The following NCR2 variants were observed in gnomAD, a reference collection of about 807,000 sequenced individuals.
NCR2 encodes the protein NK cell activating receptor (NKp44).
NCR2 carries 35 observed loss-of-function variants against 30.7 expected under a neutral mutation model. That is an observed-to-expected ratio of 1.14 (90% CI 0.87 to 1.51). The LOEUF is 1.51. Among genes scored for constraint, NCR2 ranks in the 40% most tolerant of loss-of-function variants. The pLI, the probability that NCR2 is intolerant of heterozygous loss-of-function variation, is 0.00. For missense variants in NCR2, 316 were observed against 328.9 expected, an observed-to-expected ratio of 0.96 and a Z score of 0.30; for synonymous variants, 146 against 134.8, an observed-to-expected ratio of 1.08 and a Z score of -0.58.
At chr6:41,347,076 A>T (rs1013712635) in intron 4 of NCR2, among the ~76,000 whole-genome samples, 2 of 152,160 alleles carry the variant, frequency 1.3e-5, no homozygotes, top group Non-Finnish European at 2.9e-5. Context: ...CCAGCCGAGC[A>T]TGGAGGTGCG....
rs189532679 is a variant in NCR2, at chr6:41,345,627, G to A, written c.644+3478G>A. ...CCCCAAGGTCAGCACTCAGACTCCAGTACAGCCTCTTGGTGCCTTATTATA... is the reference window on the plus strand; with the variant it reads ...CCCCAAGGTCAGCACTCAGACTCCAATACAGCCTCTTGGTGCCTTATTATA... On this transcript the variant is annotated intron_variant, in intron 4 of 4. Coordinates refer to ENST00000373089, the MANE Select transcript of NCR2 (RefSeq NM_004828.4). 4.8e-3 allele frequency among the ~76,000 whole-genome samples: 729 copies of A among 152,052 alleles called. 8 individuals are homozygous for A. Among genetic ancestry groups the A allele is most frequent in the African/African-American group, 0.016 (670 of 41,448 alleles).
At chr6:41,342,813 G>C in intron 4 of NCR2, 1 of 947,352 alleles carries the variant, frequency 1.1e-6, no homozygotes, top group Admixed American at 2.1e-5. Flanking sequence ...GGACAACTCA[G>C]TCAGGCCAGG....
chr6:41,342,827 C>T lies in NCR2; in HGVS notation c.644+678C>T, dbSNP rs116216447. On this transcript the variant is annotated intron_variant, in intron 4 of 4. Coordinates refer to ENST00000373089, the MANE Select transcript of NCR2 (RefSeq NM_004828.4). The stretch of plus-strand genomic sequence containing the variant: ...GGGACAACTCAGTCAGGCCAGGAGC[C>T]GGCTTGCTGGAGGAGGGGCAGGCTT... 7.1e-4 allele frequency: 815 copies of T among 1,143,400 alleles called. 7 individuals are homozygous for T. In the African/African-American group the frequency reaches 0.012, roughly 16 times the overall value. The allele number at this position is 1,143,400 out of a possible 1,614,324, so 70.8% of individuals were successfully genotyped here.
chr6:41,345,520 A>G (rs1769279588), intron 4 of NCR2, among the ~76,000 whole-genome samples: 1 of 151,880 alleles, frequency 6.6e-6, no homozygotes, highest in Non-Finnish European at 1.5e-5. Context: ...ACCCCTCCCC[A>G]GCACCCGCCA....
Position 41,336,315 on chromosome 6 carries a change from T to TCTTTTC in NCR2, c.282_283insTTTTCC (p.Val94_Thr95insPheSer), listed in dbSNP as rs760097452. The TCTTTTC allele has an allele frequency of 4.3e-6, 7 of 1,613,988 alleles. No homozygotes were observed. In the African/African-American group the frequency reaches 9.3e-5, roughly 22 times the overall value. ...GACCCTGATGCTGGCTTCTTCACTG[T>TCTTTTC]CACCATGACTGATCTGAGAGAGGAA... On this transcript the variant is annotated inframe_insertion, in exon 2 of 5. Coordinates refer to ENST00000373089, the MANE Select transcript of NCR2 (RefSeq NM_004828.4).
chr6:41,341,769 C>A (rs1440736228), intron 2 of NCR2, 25 bp from the exon 3 acceptor site: 1 of 1,598,122 alleles, frequency 6.3e-7, no homozygotes. Flanking sequence ...CACTCACTAA[C>A]CACGCTCTTT....
intron 4 of NCR2, among the ~76,000 whole-genome samples, chr6:41,348,913 T>G (rs1262436266): frequency 1.3e-5 from 2 of 152,234 alleles, no homozygotes; most frequent in East Asian, 3.9e-4. Context: ...GGATAATGTC[T>G]TTATACTTCT....
chr6:41,345,801 C>T (rs1223909591), intron 4 of NCR2, among the ~76,000 whole-genome samples: 2 of 152,190 alleles, frequency 1.3e-5, no homozygotes, highest in Non-Finnish European at 2.9e-5. Flanking sequence ...CCACCCTGCA[C>T]CTGAAGTGCG....
At chr6:41,349,612 C>G (rs1015825179) in intron 4 of NCR2, among the ~76,000 whole-genome samples, 4 of 152,172 alleles carry the variant, frequency 2.6e-5, no homozygotes, top group Non-Finnish European at 4.4e-5. Context: ...AAGTAAGGTT[C>G]AGGAGCTTCT....
rs1769414706 is a variant in NCR2, at chr6:41,350,880, G to A, written c.*16G>A. 2 of 808,342 alleles carry A rather than the reference G, an allele frequency of 2.5e-6. No individual in the cohort carries two copies. The highest frequency in any genetic ancestry group is 1.7e-5 in the African/African-American group (1 of 58,740). The allele number at this position is 808,342 out of a possible 1,614,324, so 50.1% of individuals were successfully genotyped here. On this transcript the variant is annotated 3_prime_UTR_variant, in exon 5 of 5. Transcript: ENST00000373089. Reference sequence around the variant, plus strand: ...CACTTTGTGAATAATAAAATTATCTGAATGTTTTATTCCTGTTGTTTCCTA... The same window carrying A: ...CACTTTGTGAATAATAAAATTATCTAAATGTTTTATTCCTGTTGTTTCCTA...
intron 4 of NCR2, among the ~76,000 whole-genome samples, chr6:41,349,641 A>T (rs1170645901): frequency 1.3e-5 from 2 of 152,194 alleles, no homozygotes; most frequent in Non-Finnish European, 2.9e-5. Flanking sequence ...GAACACATTC[A>T]TGTGCTGGGA....
chr6:41,349,399 C>T (rs1769379284), intron 4 of NCR2, among the ~76,000 whole-genome samples: 1 of 152,110 alleles, frequency 6.6e-6, no homozygotes, highest in Non-Finnish European at 1.5e-5. Flanking sequence ...TCCTACCTCC[C>T]TTGGAATTTC....
intron 2 of NCR2, among the ~76,000 whole-genome samples, chr6:41,341,100 C>G (rs1769156902): frequency 1.3e-5 from 2 of 152,154 alleles, no homozygotes; most frequent in South Asian, 4.1e-4. Flanking sequence ...TGGTTCCAAC[C>G]CTACTTTCTT....
chr6:41,344,900 C>T (rs1276892803), intron 4 of NCR2, among the ~76,000 whole-genome samples: 1 of 152,174 alleles, frequency 6.6e-6, no homozygotes. Context: ...TCTTTCACAG[C>T]TCTGTTTCTC....
At chr6:41,340,453 C>T (rs753627002) in intron 2 of NCR2, among the ~76,000 whole-genome samples, 2 of 152,184 alleles carry the variant, frequency 1.3e-5, no homozygotes, top group Admixed American at 6.5e-5. Flanking sequence ...TGAGCCACCA[C>T]GCCTGGCCGC....
rs556543419 is a variant in NCR2, at chr6:41,341,810, G to A, written c.411G>A (p.Gln137=). ...CCCTGGCAGCCTCTGCCTCCACACA[G>A]ACCTCCTGGACTCCCCGCGACCTGG... is the stretch of plus-strand genomic sequence containing the variant. ...LVVSPASAST[Q]TSWTPRDLVS... The change falls in exon 3 of 5, where the codon CAG becomes CAA. Residue 137 remains glutamine (Q), a synonymous_variant. Coordinates refer to ENST00000373089, the MANE Select transcript of NCR2 (RefSeq NM_004828.4). The A allele has an allele frequency of 6.2e-7, 1 of 1,611,448 alleles. No individual in the cohort carries two copies. The highest frequency in any genetic ancestry group is 1.1e-5 in the South Asian group (1 of 90,928).
intron 4 of NCR2, among the ~76,000 whole-genome samples, chr6:41,347,949 T>C (rs1310255381): frequency 6.6e-6 from 1 of 152,156 alleles, no homozygotes; most frequent in African/African-American, 2.4e-5. Context: ...GGGAACTAAC[T>C]TCCCAAGTGT....
rs1769172326 is a variant in NCR2 at position 41,341,730 on chromosome 6, T to A, written c.395-64T>A. 10 of 1,542,070 alleles carry A rather than the reference T, an allele frequency of 6.5e-6. No individual in the cohort carries two copies. The East Asian group carries it at 1.8e-4, about 28-fold the overall frequency. On this transcript the variant is annotated intron_variant, in intron 2 of 4. Transcript: ENST00000373089. ...CTGGTCCAACTCCCCCATCCAGCTC[T>A]CCTGCCGGCAGGCACAAGTGAGGTC...
chr6:41,345,427 G>C (rs137932422), intron 4 of NCR2, among the ~76,000 whole-genome samples: 1,577 of 152,170 alleles, frequency 0.01, 29 homozygotes, highest in African/African-American at 0.035. Flanking sequence ...TTTGAGGATG[G>C]GTTTATGCCA....
Sources: gnomAD v4.1 joint callset for allele counts (sites outside exome capture counted in the v4.1 genomes callset) on GRCh38, gnomAD v4.1.1 for gene constraint, MANE v1.5 for transcripts, NCBI Gene and HGNC (gene_info 2026-07-23, HGNC 2026-07-21) for gene names.